Variants in DYNC2H1 observed in about 807,000 individuals in gnomAD.
DYNC2H1 encodes cytoplasmic dynein 2 heavy chain 1.
DYNC2H1 carries 410 observed loss-of-function variants against 570.0 expected under a neutral mutation model. The observed-to-expected ratio is 0.72, with a 90% confidence interval of 0.66 to 0.78. The LOEUF (loss-of-function observed/expected upper bound fraction) is 0.78. Ranked by LOEUF, DYNC2H1 falls within the 30% of genes least tolerant of loss-of-function variation. DYNC2H1 has a pLI of 0.00. For missense variants in DYNC2H1, 4,865 were observed against 5,046.4 expected, an observed-to-expected ratio of 0.96 and a Z score of 1.09; for synonymous variants, 1,688 against 1,677.6, an observed-to-expected ratio of 1.01 and a Z score of -0.15.
In DYNC2H1 at chr11:103,211,859, C is replaced by T; in HGVS notation, c.8610C>T (p.Ser2870=). The change falls in exon 54 of 89, where the codon AGC becomes AGT. Residue 2870 remains serine, a synonymous_variant. Coordinates refer to ENST00000375735, the MANE Select transcript of DYNC2H1 (RefSeq NM_001377.3). ...ESCKAYGATP[S]RYMTFLHVYS... ...GTAAAGCATATGGTGCTACACCAAGCCGATACATGACCTTTTTACATGTGT... is the reference window on the plus strand; with the variant it reads ...GTAAAGCATATGGTGCTACACCAAGTCGATACATGACCTTTTTACATGTGT... The T allele has an allele frequency of 6.6e-7, 1 of 1,525,964 alleles. No individual in the cohort carries two copies. The highest frequency in any genetic ancestry group is 8.8e-7 in the Non-Finnish European group (1 of 1,133,450). The allele number at this position is 1,525,964 out of a possible 1,614,324, so 94.5% of individuals were successfully genotyped here.
chr11:103,147,788 T>G lies in DYNC2H1; in HGVS notation c.2719T>G (p.Cys907Gly). Residue 907 changes from cysteine (C) to glycine (G), a missense_variant, in exon 19 of 89, where the codon TGT (cysteine) becomes GGT (glycine). Cys to Gly is a radical substitution (Grantham distance 159). This residue lies in a region of DYNC2H1 where 1,936 missense variants were observed against 1,962.1 expected (regional missense o/e 0.99). Coordinates refer to ENST00000375735, the MANE Select transcript of DYNC2H1 (RefSeq NM_001377.3). ...ERLPSAVKVD[C>G]LNINCNPVKT... is the part of the protein sequence containing the mutation. Reference sequence around the variant, plus strand: ...ATTTTTCAGTGCTGTCAAGGTAGATTGTTTAAATATTAATTGCAACCCTGT... The same window carrying G: ...ATTTTTCAGTGCTGTCAAGGTAGATGGTTTAAATATTAATTGCAACCCTGT... 6.2e-7 allele frequency: 1 copy of G among 1,607,332 alleles called. No homozygotes were observed. The highest frequency in any genetic ancestry group is 8.5e-7 in the Non-Finnish European group (1 of 1,177,166).
chr11:103,239,759 GT>G lies in DYNC2H1; in HGVS notation c.9819+3225del, dbSNP rs540718974. Reference sequence around the variant, plus strand: ...TAGGCTTTAGTTTTATTTATAAAATGTTTTTGCATTTGTCCCATTTATAAGT... The same window carrying G: ...TAGGCTTTAGTTTTATTTATAAAATGTTTTGCATTTGTCCCATTTATAAGT... On this transcript the variant is annotated intron_variant, in intron 63 of 88. Transcript: ENST00000375735. This position sits in a 1 kb window ranked among gnomAD's most constrained non-coding sequence, Gnocchi z 4.3. Among the ~76,000 whole-genome samples, 18 of 151,918 alleles carry G rather than the reference GT, an allele frequency of 1.2e-4. 1 individual carries two copies. In the South Asian group the frequency reaches 3.7e-3, roughly 32 times the overall value.
chr11:103,430,120 G>A (rs979222645), intron 84 of DYNC2H1, among the ~76,000 whole-genome samples: 2 of 152,118 alleles, frequency 1.3e-5, no homozygotes, highest in African/African-American at 4.8e-5. Context: ...AGTAGTACAA[G>A]TAATTCCATC....
rs940692335 is a variant in DYNC2H1 at position 103,268,012 on chromosome 11, C to T, written c.10695+8035C>T. Among the ~76,000 whole-genome samples, 1 of 151,902 alleles carries T rather than the reference C, an allele frequency of 6.6e-6. No individual in the cohort carries two copies. Among genetic ancestry groups the T allele is most frequent in the Non-Finnish European group, 1.5e-5 (1 of 67,896 alleles). ...CTCAGTGAATATTAGATTATTTATA[C>T]ATTTTTTGTTCTTATACATGACTAT... On this transcript the variant is annotated intron_variant, in intron 70 of 88. Transcript: ENST00000375735. This position sits in a 1 kb window ranked among gnomAD's most constrained non-coding sequence, Gnocchi z 4.6.
At chr11:103,134,201 T>C in intron 14 of DYNC2H1, 120 bp from the exon 15 acceptor site, 1 of 794,922 alleles carries the variant, frequency 1.3e-6, no homozygotes, top group East Asian at 2.7e-5. Flanking sequence ...TTGATATGTC[T>C]TGTATAGATT....
At chr11:103,350,400 T>C (rs1055827712) in intron 82 of DYNC2H1, among the ~76,000 whole-genome samples, 2 of 152,186 alleles carry the variant, frequency 1.3e-5, no homozygotes, top group Non-Finnish European at 2.9e-5. Context: ...CATTTAATTG[T>C]CTTTATTTGT....
Position 103,122,960 on chromosome 11 carries a change from G to T in DYNC2H1, c.1621G>T (p.Asp541Tyr), listed in dbSNP as rs530579017. 2 of 1,591,256 alleles carry T rather than the reference G, an allele frequency of 1.3e-6. No homozygotes were observed. Among genetic ancestry groups the T allele is most frequent in the East Asian group, 2.2e-5 (1 of 44,510 alleles). The change falls in exon 11 of 89, where the codon GAT becomes TAT. Residue 541 changes from aspartate (D) to tyrosine (Y), a missense_variant. Around this residue, in one of 5 missense-constraint regions of DYNC2H1, gnomAD observed 1,936 missense variants for 1,962.1 expected, o/e 0.99. Transcript: ENST00000375735. ...EQEQFDDWSR[D>Y]IQSGLSDSRS... The stretch of plus-strand genomic sequence containing the variant: ...GGAACAATTTGATGATTGGTCCAGG[G>T]ATATTCAATCAGGTTTATCTGATTC...
rs1862114885 is a variant in DYNC2H1, at chr11:103,187,379, T to G, written c.6933T>G (p.Thr2311=). 3 of 1,613,046 alleles carry G rather than the reference T, an allele frequency of 1.9e-6. No individual in the cohort carries two copies. In the South Asian group the frequency reaches 3.3e-5, roughly 18 times the overall value. The change falls in exon 43 of 89, where the codon ACT becomes ACG. Residue 2311 remains threonine, a synonymous_variant. Coordinates refer to ENST00000375735, the MANE Select transcript of DYNC2H1 (RefSeq NM_001377.3). Reference sequence around the variant, plus strand: ...ACGCATTTTCACAACTCCGGTCCACTCAAATTGCTACAGTTCACTGTAGTG... The same window carrying G: ...ACGCATTTTCACAACTCCGGTCCACGCAAATTGCTACAGTTCACTGTAGTG... The part of the protein sequence containing the change: ...LRYAFSQLRS[T]QIATVHCSAQ...
At chr11:103,260,163 C>T (rs900735424) in intron 70 of DYNC2H1, among the ~76,000 whole-genome samples, 186 bp downstream of exon 70, 1 of 152,044 alleles carries the variant, frequency 6.6e-6, no homozygotes, top group African/African-American at 2.4e-5. Flanking sequence ...AAAAAAGTGA[C>T]AAGTGAAGAA....
chr11:103,473,026 A>G (rs1945434681), intron 88 of DYNC2H1, among the ~76,000 whole-genome samples: 1 of 152,188 alleles, frequency 6.6e-6, no homozygotes, highest in Non-Finnish European at 1.5e-5. Flanking sequence ...ACATTGTTTC[A>G]GTATGTGGTG....
Position 103,264,261 on chromosome 11 carries a change from A to G in DYNC2H1, c.10695+4284A>G, listed in dbSNP as rs1865425005. Among the ~76,000 whole-genome samples, 1 of 152,194 alleles carries G rather than the reference A, an allele frequency of 6.6e-6. No individual in the cohort carries two copies. Among genetic ancestry groups the G allele is most frequent in the African/African-American group, 2.4e-5 (1 of 41,448 alleles). ...CCAGGGTCAGATGGATTCACAGCCA[A>G]ATTCTACCAGAGGTACAAAGAGGAG... On this transcript the variant is annotated intron_variant, in intron 70 of 88. Coordinates refer to ENST00000375735, the MANE Select transcript of DYNC2H1 (RefSeq NM_001377.3). The surrounding 1 kb of genome is among the most constrained non-coding windows in gnomAD (Gnocchi z 4.8).
At chr11:103,272,812 G>A (rs900343407) in intron 70 of DYNC2H1, among the ~76,000 whole-genome samples, 1 of 151,992 alleles carries the variant, frequency 6.6e-6, no homozygotes. Context: ...AGGTGTGGTT[G>A]ACTTAAACCA....
chr11:103,458,942 GATTACAGGCGTGAGCC>G (rs1232540400), intron 87 of DYNC2H1, among the ~76,000 whole-genome samples: 3 of 152,000 alleles, frequency 2.0e-5, no homozygotes, highest in East Asian at 3.9e-4. Flanking sequence ...AAAGCGACCA[GATTACAGGCGTGAGCC>G]ATTGCATATG....
In DYNC2H1 at chr11:103,278,650, T is replaced by G. The variant is rs1264087625; in HGVS notation, c.10696-1698T>G. Among the ~76,000 whole-genome samples the G allele has an allele frequency of 2.0e-5, 3 of 152,146 alleles. No homozygotes were observed. The East Asian group carries it at 5.8e-4, about 29-fold the overall frequency. On this transcript the variant is annotated intron_variant, in intron 70 of 88. Transcript: ENST00000375735. ...GGGGAGATCTTGGCTCACTGCAATC[T>G]CCGCCTCCAGAGTTGAAGTGATTCT...
intron 70 of DYNC2H1, among the ~76,000 whole-genome samples, chr11:103,267,796 A>G (rs533920139): frequency 1.3e-4 from 20 of 151,874 alleles, no homozygotes; most frequent in Non-Finnish European, 2.1e-4. Flanking sequence ...CTATCTCTTT[A>G]TATTCATAAG....
chr11:103,376,010 C>A (rs1370049734), intron 83 of DYNC2H1, among the ~76,000 whole-genome samples: 1 of 152,096 alleles, frequency 6.6e-6, no homozygotes, highest in East Asian at 1.9e-4. Context: ...TTTGAGGGAC[C>A]CAGTTGGAGG....
intron 83 of DYNC2H1, among the ~76,000 whole-genome samples, chr11:103,367,661 A>G (rs1940969589): frequency 6.6e-6 from 1 of 152,130 alleles, no homozygotes; most frequent in African/African-American, 2.4e-5. Context: ...GCTGTAGGGT[A>G]CTGTAGCTAT....
chr11:103,392,411 G>C (rs984245686), intron 83 of DYNC2H1, among the ~76,000 whole-genome samples: 3 of 152,204 alleles, frequency 2.0e-5, no homozygotes, highest in Non-Finnish European at 4.4e-5. Context: ...CCTTTCCTTG[G>C]CTAGGAAAGG....
At chr11:103,403,114 C>G (rs1214703798) in intron 84 of DYNC2H1, 1 of 151,996 alleles carries the variant, frequency 6.6e-6, no homozygotes, top group Non-Finnish European at 1.5e-5. Flanking sequence ...TAAAGTTGAA[C>G]TATTCATTGT....
Sources: allele counts gnomAD v4.1 joint callset (sites outside exome capture counted in the v4.1 genomes callset), GRCh38; gene constraint gnomAD v4.1.1; regional missense constraint gnomAD v4.1.1; non-coding constraint Gnocchi (gnomAD v3.1); transcripts MANE v1.5; gene names NCBI Gene and HGNC (gene_info 2026-07-23, HGNC 2026-07-21).